Variants in DPP6 observed in about 807,000 individuals in gnomAD.
The protein encoded by DPP6 is dipeptidyl peptidase like 6.
DPP6 carries 69 observed loss-of-function variants against 122.6 expected under a neutral mutation model. The ratio of observed to expected loss-of-function variants is 0.56; its 90% CI spans 0.46 to 0.69. DPP6 has a LOEUF of 0.69. Ranked by LOEUF, DPP6 falls within the 30% of genes least tolerant of loss-of-function variation. The pLI is 0.00. For synonymous variants in DPP6, 418 were observed against 433.1 expected (o/e 0.97, Z 0.43); for missense variants, 928 against 1,116.9 (o/e 0.83, Z 2.41).
chr7:154,169,325 G>A (rs1164812390), intron 1 of DPP6, among the ~76,000 whole-genome samples: 2 of 152,108 alleles, frequency 1.3e-5, no homozygotes, highest in Non-Finnish European at 2.9e-5. Context: ...GCCATATGGT[G>A]GTGGGCGGGG....
At chr7:154,151,463 G>A (rs1424319770) in intron 1 of DPP6, among the ~76,000 whole-genome samples, 2 of 152,142 alleles carry the variant, frequency 1.3e-5, no homozygotes, top group Non-Finnish European at 2.9e-5. Flanking sequence ...GTCTCGACAC[G>A]GTTCACACAG....
intron 1 of DPP6, among the ~76,000 whole-genome samples, chr7:154,430,902 TA>T (rs990374909): frequency 2.1e-4 from 7 of 32,854 alleles, no homozygotes; most frequent in Non-Finnish European, 9.7e-4. Context: ...TTTCTTTCGT[TA>T]AGTTAAGTCT....
chr7:154,490,874 G>A (rs530648573), intron 3 of DPP6, among the ~76,000 whole-genome samples: 1 of 152,310 alleles, frequency 6.6e-6, no homozygotes, highest in African/African-American at 2.4e-5. Context: ...CGGAGACCAG[G>A]AATGAAGCTT....
At chr7:153,991,522 T>C (rs1433151586) in intron 1 of DPP6, among the ~76,000 whole-genome samples, 1 of 152,178 alleles carries the variant, frequency 6.6e-6, no homozygotes, top group Non-Finnish European at 1.5e-5. Context: ...GGAGCATTGA[T>C]TTTCTACAGC....
intron 6 of DPP6, among the ~76,000 whole-genome samples, chr7:154,654,195 G>A (rs1480922326): frequency 6.6e-6 from 1 of 151,952 alleles, no homozygotes; most frequent in Non-Finnish European, 1.5e-5. Context: ...GAGCATCTGT[G>A]GATTTTGGTA....
At chr7:154,408,663 A>G (rs1816327518) in intron 1 of DPP6, among the ~76,000 whole-genome samples, 1 of 151,882 alleles carries the variant, frequency 6.6e-6, no homozygotes, top group South Asian at 2.1e-4. Flanking sequence ...TTTCCCATGA[A>G]TATTTTCTCT....
intron 5 of DPP6, among the ~76,000 whole-genome samples, chr7:154,634,299 A>G (rs2130910730): frequency 1.3e-5 from 2 of 151,412 alleles, no homozygotes; most frequent in Middle Eastern, 3.4e-3. Flanking sequence ...GCTGAGAATG[A>G]TGGTTTCCAC....
chr7:154,539,819 A>G (rs79977517), intron 3 of DPP6, among the ~76,000 whole-genome samples: 4,337 of 151,896 alleles, frequency 0.029, 94 homozygotes, highest in South Asian at 0.083. Context: ...TATTTTGCCT[A>G]TTTTTTTCTG....
At chr7:153,935,002 G>C (rs1801362473) in intron 1 of DPP6, among the ~76,000 whole-genome samples, 1 of 152,240 alleles carries the variant, frequency 6.6e-6, no homozygotes, top group South Asian at 2.1e-4. Flanking sequence ...TGCCATCCTG[G>C]CTGGAGGTGC....
At chr7:154,214,873 G>T (rs937408806) in intron 1 of DPP6, among the ~76,000 whole-genome samples, 5 of 152,190 alleles carry the variant, frequency 3.3e-5, no homozygotes, top group Admixed American at 2.6e-4. Context: ...AGTCATGACT[G>T]TGCTGCTGCA....
chr7:154,892,227 A>C (rs1243411035), intron 25 of DPP6, 107 bp from the exon 26 acceptor site: 5 of 1,461,878 alleles, frequency 3.4e-6, no homozygotes, highest in Non-Finnish European at 4.7e-6. Context: ...ACTACAATCC[A>C]GCCCCGGACG....
At chr7:154,319,804 A>G (rs1807768158) in intron 1 of DPP6, among the ~76,000 whole-genome samples, 1 of 151,780 alleles carries the variant, frequency 6.6e-6, no homozygotes, top group South Asian at 2.1e-4. Context: ...CATCCTGGCC[A>G]ACATGGCGAA....
At chr7:154,390,059 G>C (rs1320196769) in intron 1 of DPP6, among the ~76,000 whole-genome samples, 3 of 152,202 alleles carry the variant, frequency 2.0e-5, no homozygotes, top group Non-Finnish European at 4.4e-5. Flanking sequence ...GTAGTACAAT[G>C]GTATGAGTGT....
At chr7:153,977,198 GGT>G (rs55750679) in intron 1 of DPP6, among the ~76,000 whole-genome samples, 4,835 of 149,656 alleles carry the variant, frequency 0.032, 246 homozygotes, top group African/African-American at 0.11. Context: ...TACCAATAGG[GGT>G]GTGTGTGTGT....
At chr7:153,772,288 T>A in the DPP6 span, among the ~76,000 whole-genome samples, 1 of 152,198 alleles carries the variant, frequency 6.6e-6, no homozygotes, top group South Asian at 2.1e-4. Flanking sequence ...TTCACCATGT[T>A]GGCCAGGCTG....
intron 1 of DPP6, among the ~76,000 whole-genome samples, chr7:154,235,708 C>A (rs1383511947): frequency 6.6e-6 from 1 of 152,138 alleles, no homozygotes; most frequent in African/African-American, 2.4e-5. Context: ...TTTCCCCTTA[C>A]TGCACAAACC....
intron 1 of DPP6, among the ~76,000 whole-genome samples, chr7:153,890,664 A>G (rs1799149758): frequency 6.7e-6 from 1 of 149,080 alleles, no homozygotes; most frequent in Admixed American, 6.7e-5. Context: ...GAAATACCAC[A>G]GGTGGAATCA....
rs532304206 is a variant in DPP6, at chr7:154,660,579, G to A, written c.681-8781G>A. On this transcript the variant is annotated intron_variant, in intron 6 of 25. Coordinates refer to ENST00000377770, the MANE Select transcript of DPP6 (RefSeq NM_130797.4). ...GGTGAATCACCATGGCGTATCGGCCGTAGTGTTCATATAGTCATGGTGAAT... is the reference window on the plus strand; with the variant it reads ...GGTGAATCACCATGGCGTATCGGCCATAGTGTTCATATAGTCATGGTGAAT... Among the ~76,000 whole-genome samples, 34 of 129,616 alleles carry A rather than the reference G, an allele frequency of 2.6e-4. No homozygotes were observed. The East Asian group carries it at 4.4e-3, about 17-fold the overall frequency. The allele number at this position is 129,616 out of a possible 152,430, so 85.0% of individuals were successfully genotyped here. A position where few individuals can be genotyped will look rare whatever the true frequency, so the allele number is the denominator to read the frequency against.
intron 8 of DPP6, among the ~76,000 whole-genome samples, chr7:154,745,120 G>A (rs563294529): frequency 6.6e-6 from 1 of 152,346 alleles, no homozygotes; most frequent in South Asian, 2.1e-4. Flanking sequence ...TGGTCTGCCA[G>A]GTCCAGCAGT....
Sources: gnomAD v4.1 joint callset for allele counts (sites outside exome capture counted in the v4.1 genomes callset) on GRCh38, gnomAD v4.1.1 for gene constraint, MANE v1.5 for transcripts, NCBI Gene and HGNC (gene_info 2026-07-23, HGNC 2026-07-21) for gene names.